RFX3: variants seen among roughly 807,000 people sequenced by gnomAD.
RFX3 encodes the protein transcription factor RFX3.
RFX3 carries 14 observed loss-of-function variants against 98.6 expected under a neutral mutation model. The observed-to-expected ratio is 0.14, with a 90% CI of 0.09 to 0.22. The LOEUF (loss-of-function observed/expected upper bound fraction) is 0.22, where lower values mean the gene tolerates loss of function less well. RFX3 is among the 10% of genes least tolerant of loss of function. The pLI, the probability that RFX3 is intolerant of heterozygous loss-of-function variation, is 1.00. For missense variants in RFX3, 639 were observed against 926.9 expected, an observed-to-expected ratio of 0.69 and a Z score of 4.03; for synonymous variants, 383 against 328.4, an observed-to-expected ratio of 1.17 and a Z score of -1.80.
At chr9:3,306,482 AG>A (rs1439723362) in intron 4 of RFX3, among the ~76,000 whole-genome samples, 1 of 151,726 alleles carries the variant, frequency 6.6e-6, no homozygotes, top group Non-Finnish European at 1.5e-5. Flanking sequence ...TATTACTGGA[AG>A]GAAGGGAAAT....
At chr9:3,246,349 T>A (rs554388741) in intron 15 of RFX3, among the ~76,000 whole-genome samples, 1 of 152,154 alleles carries the variant, frequency 6.6e-6, no homozygotes, top group Non-Finnish European at 1.5e-5. Context: ...TGTAGCCCAT[T>A]TTAATTCTGG....
intron 2 of RFX3, among the ~76,000 whole-genome samples, chr9:3,385,765 T>C (rs1413536260): frequency 1.3e-5 from 2 of 151,514 alleles, no homozygotes; most frequent in East Asian, 3.9e-4. Flanking sequence ...TCCTTGGGAA[T>C]AGTTGCACTA....
chr9:3,261,596 T>C (rs999922628), intron 13 of RFX3, among the ~76,000 whole-genome samples: 9 of 152,174 alleles, frequency 5.9e-5, no homozygotes, highest in African/African-American at 9.6e-5. Flanking sequence ...ATATAAATAG[T>C]GCTGTTATGA....
intron 1 of RFX3, among the ~76,000 whole-genome samples, chr9:3,494,019 A>G (rs952648661): frequency 2.0e-5 from 3 of 152,078 alleles, no homozygotes; most frequent in East Asian, 1.9e-4. Context: ...CTATACCCCC[A>G]TAATACTGAT....
At chr9:3,464,511 G>A (rs1416520401) in intron 1 of RFX3, among the ~76,000 whole-genome samples, 2 of 152,148 alleles carry the variant, frequency 1.3e-5, no homozygotes, top group Non-Finnish European at 2.9e-5. Context: ...GAGGCCAGGT[G>A]CAAAAACTAC....
intron 9 of RFX3, among the ~76,000 whole-genome samples, chr9:3,274,837 G>GATAT (rs113549461): frequency 6.0e-4 from 91 of 150,716 alleles, no homozygotes; most frequent in African/African-American, 2.2e-3. Context: ...TCTCCTTCTG[G>GATAT]ATATATATAT....
chr9:3,247,754 G>T, intron 15 of RFX3: 1 of 1,562,812 alleles, frequency 6.4e-7, no homozygotes, highest in South Asian at 1.2e-5. Flanking sequence ...ATATTCCAGT[G>T]GTTCTCAAGT....
chr9:3,233,458 T>C (rs557848318), intron 15 of RFX3, among the ~76,000 whole-genome samples: 202 of 152,306 alleles, frequency 1.3e-3, no homozygotes, highest in Non-Finnish European at 2.5e-3. Flanking sequence ...AGGCAAGCCT[T>C]GTTCTGTAAT....
chr9:3,524,938 G>C (rs191419796), intron 1 of RFX3, among the ~76,000 whole-genome samples: 1 of 151,226 alleles, frequency 6.6e-6, no homozygotes, highest in Non-Finnish European at 1.5e-5. Flanking sequence ...GTACAGCAAA[G>C]AGGGCCCAAC....
intron 1 of RFX3, among the ~76,000 whole-genome samples, chr9:3,398,541 G>A (rs976046828): frequency 6.6e-6 from 1 of 152,128 alleles, no homozygotes; most frequent in African/African-American, 2.4e-5. Context: ...CTCCAAGATG[G>A]CTGGTGGCCT....
intron 6 of RFX3, among the ~76,000 whole-genome samples, chr9:3,290,214 A>C (rs80137744): frequency 2.6e-5 from 4 of 151,812 alleles, no homozygotes; most frequent in Non-Finnish European, 4.4e-5. Flanking sequence ...AAAAAAAAAA[A>C]CAGGAGACAT....
intron 1 of RFX3, among the ~76,000 whole-genome samples, chr9:3,493,382 A>C (rs1276286678): frequency 6.6e-6 from 1 of 152,016 alleles, no homozygotes; most frequent in Non-Finnish European, 1.5e-5. Context: ...CACGTGATCC[A>C]TTTTTAAAAA....
Position 3,248,038 on chromosome 9 carries a change from C to T in RFX3, c.1962G>A (p.Met654Ile). 6.2e-7 allele frequency: 1 copy of T among 1,614,034 alleles called. No homozygotes were observed. The highest frequency in any genetic ancestry group is 8.5e-7 in the Non-Finnish European group (1 of 1,179,946). The change falls in exon 15 of 17, where the codon ATG becomes ATA. Residue 654 changes from methionine to isoleucine, a missense_variant. Transcript: ENST00000617270. ...QATGETPIAV[M>I]GEFGDLNAVS... Reference sequence around the variant, plus strand: ...CTCTTTCAGCCTCTCTTACCTCGCCCATGACTGCTATAGGAGTCTCTCCTG... The same window carrying T: ...CTCTTTCAGCCTCTCTTACCTCGCCTATGACTGCTATAGGAGTCTCTCCTG...
chr9:3,494,107 A>AAATC (rs1850942951), intron 1 of RFX3, among the ~76,000 whole-genome samples: 1 of 152,170 alleles, frequency 6.6e-6, no homozygotes, highest in Non-Finnish European at 1.5e-5. Flanking sequence ...CGTATCTTTT[A>AAATC]ACTTCAAATC....
chr9:3,352,198 T>C (rs1238051133), intron 2 of RFX3, among the ~76,000 whole-genome samples: 1 of 152,002 alleles, frequency 6.6e-6, no homozygotes, highest in African/African-American at 2.4e-5. Context: ...TAGCTTTGTG[T>C]ATACAAAAAT....
chr9:3,247,056 A>C (rs1046868056), intron 15 of RFX3: 2 of 981,896 alleles, frequency 2.0e-6, no homozygotes, highest in East Asian at 2.3e-4. Context: ...ACTCTTTTTT[A>C]TTTATATAAG....
chr9:3,322,987 A>G (rs897503104), intron 4 of RFX3, among the ~76,000 whole-genome samples: 31 of 152,348 alleles, frequency 2.0e-4, no homozygotes, highest in Non-Finnish European at 4.1e-4. Flanking sequence ...ACTTACACTT[A>G]GTAAATTTTA....
intron 1 of RFX3, among the ~76,000 whole-genome samples, chr9:3,470,053 G>C (rs1848639739): frequency 6.6e-6 from 1 of 152,030 alleles, no homozygotes; most frequent in Non-Finnish European, 1.5e-5. Flanking sequence ...AGTATAAATA[G>C]CATAAAAATC....
At position 3,357,865 on chromosome 9, in the gene RFX3, C is replaced by A. The variant is rs180721257; in HGVS notation, c.118-11101G>T. ...AACACATGTATCCCCGAAATATGAA[C>A]AACTATAATATATATTTTAAAAATG... On this transcript the variant is annotated intron_variant, in intron 2 of 16. Transcript: ENST00000617270. Among the ~76,000 whole-genome samples, 206 of 152,086 alleles carry A rather than the reference C, an allele frequency of 1.4e-3. 1 individual carries two copies. The highest frequency in any genetic ancestry group is 4.8e-3 in the African/African-American group (199 of 41,522).
Sources: allele counts gnomAD v4.1 joint callset (sites outside exome capture counted in the v4.1 genomes callset), GRCh38; gene constraint gnomAD v4.1.1; transcripts MANE v1.5; gene names NCBI Gene and HGNC (gene_info 2026-07-23, HGNC 2026-07-21).